Variants in SCN9A observed in about 807,000 individuals in gnomAD.
SCN9A encodes the protein sodium voltage-gated channel alpha subunit 9, also known as sodium channel protein type 9 subunit alpha.
SCN9A carries 131 observed loss-of-function variants against 187.0 expected under a neutral mutation model. The observed-to-expected ratio is 0.70, with a 90% confidence interval of 0.61 to 0.81. The LOEUF is 0.81. Ranked by LOEUF, SCN9A falls within the 30% of genes least tolerant of loss-of-function variation. The pLI is 0.00. For synonymous variants in SCN9A, 809 were observed against 808.6 expected (o/e 1.00, Z -0.01); for missense variants, 2,252 against 2,396.6 (o/e 0.94, Z 1.26).
chr2:166,288,562 T>C lies in SCN9A; in HGVS notation c.1189A>G (p.Ile397Val). Residue 397 changes from isoleucine to valine, a missense_variant, in exon 10 of 27, where the codon ATC becomes GTC. By Grantham distance (29) the Ile-to-Val change is conservative (BLOSUM62 3). Coordinates refer to ENST00000642356, the MANE Select transcript of SCN9A (RefSeq NM_001365536.1). ...FLGSFYLINL[I>V]LAVVAMAYEE... ...TATGCCATGGCAACCACAGCCAGGA[T>C]CAAGTTTATTAGATAAAAGGAGCCC... 1 of 1,612,854 alleles carries C rather than the reference T, an allele frequency of 6.2e-7. No individual in the cohort carries two copies.
intron 9 of SCN9A, among the ~76,000 whole-genome samples, chr2:166,291,039 C>G (rs1451446041): frequency 1.3e-5 from 2 of 152,162 alleles, no homozygotes; most frequent in Non-Finnish European, 2.9e-5. Context: ...GATGCCCTCT[C>G]TCACCACTGC....
intron 24 of SCN9A, among the ~76,000 whole-genome samples, chr2:166,222,945 C>CAAAACAAAAAAAAAAA (rs1694665971): frequency 2.2e-5 from 1 of 44,984 alleles, no homozygotes; most frequent in Non-Finnish European, 4.0e-5. Context: ...AAAAAAACAA[C>CAAAACAAAAAAAAAAA]AAAAAAAAAA....
chr2:166,200,071 C>G (rs924640760), intron 26 of SCN9A, among the ~76,000 whole-genome samples: 2 of 130,662 alleles, frequency 1.5e-5, no homozygotes, highest in Non-Finnish European at 3.1e-5. Flanking sequence ...GATCTCGGCT[C>G]ACTGCAAGCT....
intron 1 of SCN9A, among the ~76,000 whole-genome samples, chr2:166,360,186 T>C (rs893586761): frequency 8.4e-6 from 1 of 118,408 alleles, no homozygotes; most frequent in East Asian, 2.5e-4. Context: ...GCCATTGCAC[T>C]CCAGCCTGGG....
chr2:166,294,439 C>T, intron 8 of SCN9A, 160 bp downstream of exon 8: 1 of 527,978 alleles, frequency 1.9e-6, no homozygotes, highest in South Asian at 3.5e-5. Context: ...TAACTGTGAA[C>T]ATTTTAAAGA....
chr2:166,214,279 C>G (rs988082566), intron 24 of SCN9A, among the ~76,000 whole-genome samples: 1 of 152,052 alleles, frequency 6.6e-6, no homozygotes, highest in African/African-American at 2.4e-5. Context: ...TGAGCACTCT[C>G]AGAAGCTTTA....
Position 166,288,641 on chromosome 2 carries a change from C to T in SCN9A, c.1110G>A (p.Thr370=), listed in dbSNP as rs202002028. The change falls in exon 10 of 27, where the codon ACG becomes ACA. Residue 370 remains threonine, a splice_region_variant and synonymous_variant. Coordinates refer to ENST00000642356, the MANE Select transcript of SCN9A (RefSeq NM_001365536.1). ...QDYWENLYQQ[T]LRAAGKTYMI... ...TGTAGGTTTTGCCAGCAGCACGCAG[C>T]GTCTAGGGAAAAATGGAAATTGTCA... 240 of 1,533,962 alleles carry T rather than the reference C, an allele frequency of 1.6e-4. No individual in the cohort carries two copies. Among genetic ancestry groups the T allele is most frequent in the Non-Finnish European group, 2.0e-4 (224 of 1,138,074 alleles).
intron 24 of SCN9A, among the ~76,000 whole-genome samples, chr2:166,208,969 C>T (rs1463429315): frequency 2.0e-5 from 3 of 152,170 alleles, no homozygotes; most frequent in Admixed American, 6.5e-5. Flanking sequence ...CATCAAATGT[C>T]CTTGCCATTC....
At chr2:166,346,054 A>G (rs573423419) in intron 1 of SCN9A, among the ~76,000 whole-genome samples, 1 of 152,282 alleles carries the variant, frequency 6.6e-6, no homozygotes, top group South Asian at 2.1e-4. Context: ...TGAATAAGGA[A>G]TGTCTCATTC....
chr2:166,234,341 G>A (rs956615329), intron 20 of SCN9A, among the ~76,000 whole-genome samples: 11 of 152,256 alleles, frequency 7.2e-5, no homozygotes, highest in African/African-American at 2.6e-4. Flanking sequence ...AGCAGGAGAC[G>A]ATGTCTAAGA....
intron 1 of SCN9A, among the ~76,000 whole-genome samples, chr2:166,340,249 G>A (rs2105279123): frequency 6.6e-6 from 1 of 152,140 alleles, no homozygotes; most frequent in East Asian, 1.9e-4. Flanking sequence ...ATTTGACATG[G>A]GTTTTCTTTC....
chr2:166,277,369 T>A, intron 15 of SCN9A, 30 bp from the exon 16 acceptor site: 1 of 1,444,792 alleles, frequency 6.9e-7, no homozygotes. Flanking sequence ...TTAATGTTAA[T>A]CACTATGAAA....
intron 18 of SCN9A, chr2:166,249,508 C>T (rs1695942130): frequency 6.6e-6 from 1 of 152,114 alleles, no homozygotes; most frequent in Admixed American, 6.6e-5. Context: ...TGTATGAAGT[C>T]TCTGCTGGAG....
At chr2:166,285,852 C>A (rs974820666) in intron 11 of SCN9A, among the ~76,000 whole-genome samples, 1 of 152,010 alleles carries the variant, frequency 6.6e-6, no homozygotes, top group Non-Finnish European at 1.5e-5. Flanking sequence ...CAGACTATGG[C>A]ACTACATATT....
intron 20 of SCN9A, among the ~76,000 whole-genome samples, chr2:166,235,959 T>A (rs760480984): frequency 6.6e-6 from 1 of 152,122 alleles, no homozygotes; most frequent in Non-Finnish European, 1.5e-5. Context: ...TAAAATAAGT[T>A]CAATTTTACT....
intron 1 of SCN9A, among the ~76,000 whole-genome samples, chr2:166,328,165 G>T (rs1699410046): frequency 6.6e-6 from 1 of 152,118 alleles, no homozygotes; most frequent in Non-Finnish European, 1.5e-5. Context: ...TAGAGTGAAG[G>T]AATTCTGTGT....
rs1351389071 is a variant in SCN9A, at chr2:166,197,142, T to G, written c.*1530A>C. On this transcript the variant is annotated 3_prime_UTR_variant, in exon 27 of 27. Coordinates refer to ENST00000642356, the MANE Select transcript of SCN9A (RefSeq NM_001365536.1). ...TTCAAAACCTCCCACAAAAATCTTC[T>G]AAGTAAAACTACATTCTACCTGTGT... 1 of 152,116 alleles carries G rather than the reference T, an allele frequency of 6.6e-6. No individual in the cohort carries two copies. Among genetic ancestry groups the G allele is most frequent in the Non-Finnish European group, 1.5e-5 (1 of 67,966 alleles). 9.4% of individuals were successfully genotyped at this position (152,116 alleles called of 1,614,324 possible).
chr2:166,318,307 C>G (rs1333751519), intron 1 of SCN9A, among the ~76,000 whole-genome samples: 1 of 152,082 alleles, frequency 6.6e-6, no homozygotes, highest in Non-Finnish European at 1.5e-5. Context: ...AGTCATCCCT[C>G]TCTTTCAAGA....
chr2:166,360,539 A>G (rs1342328834), intron 1 of SCN9A, among the ~76,000 whole-genome samples: 1 of 152,200 alleles, frequency 6.6e-6, no homozygotes, highest in African/African-American at 2.4e-5. Context: ...ATATTATTAT[A>G]CATGTATCCA....
Sources: gnomAD v4.1 joint callset for allele counts (sites outside exome capture counted in the v4.1 genomes callset) on GRCh38, gnomAD v4.1.1 for gene constraint, MANE v1.5 for transcripts, NCBI Gene and HGNC (gene_info 2026-07-23, HGNC 2026-07-21) for gene names.